Variants in TESK2 observed in about 807,000 individuals in gnomAD.
The protein encoded by TESK2 is testis associated actin remodelling kinase 2, also known as dual specificity testis-specific protein kinase 2.
TESK2 carries 39 observed loss-of-function variants against 57.1 expected under a neutral mutation model. The ratio of observed to expected loss-of-function variants is 0.68; its 90% CI spans 0.53 to 0.89. The LOEUF is 0.89. Ranked by LOEUF, TESK2 falls within the 40% of genes least tolerant of loss-of-function variation. The pLI is 0.00. For synonymous variants in TESK2, 249 were observed against 267.9 expected (o/e 0.93, Z 0.69); for missense variants, 646 against 732.1 (o/e 0.88, Z 1.36).
At chr1:45,417,529 G>A (rs895048441) in intron 3 of TESK2, among the ~76,000 whole-genome samples, 3 of 151,916 alleles carry the variant, frequency 2.0e-5, no homozygotes, top group Non-Finnish European at 4.4e-5. Context: ...GTCTATTTTT[G>A]CTTTTGTTGC....
intron 4 of TESK2, among the ~76,000 whole-genome samples, chr1:45,358,126 A>T (rs1160604493): frequency 1.3e-5 from 2 of 151,852 alleles, no homozygotes; most frequent in African/African-American, 2.4e-5. Flanking sequence ...GTCCTAGCTA[A>T]CATGCTGAAT....
At chr1:45,431,248 C>T (rs12116441) in intron 2 of TESK2, among the ~76,000 whole-genome samples, 10,452 of 152,128 alleles carry the variant, frequency 0.069, 433 homozygotes, top group Non-Finnish European at 0.099. Context: ...GAAACTCTGT[C>T]TCTACTAAAA....
intron 3 of TESK2, among the ~76,000 whole-genome samples, chr1:45,390,309 TAC>T (rs1342499202): frequency 5.9e-5 from 9 of 151,672 alleles, no homozygotes; most frequent in Non-Finnish European, 1.0e-4. Flanking sequence ...TACAAAAAAA[TAC>T]AAAAATTAGC....
chr1:45,475,276 G>A (rs2149305771), intron 1 of TESK2, among the ~76,000 whole-genome samples: 1 of 141,522 alleles, frequency 7.1e-6, no homozygotes, highest in East Asian at 2.2e-4. Context: ...ACGCGATCTT[G>A]GTTCACTGCA....
intron 1 of TESK2, among the ~76,000 whole-genome samples, chr1:45,484,166 C>T (rs1011891566): frequency 7.3e-6 from 1 of 137,188 alleles, no homozygotes; most frequent in Non-Finnish European, 1.5e-5. Context: ...TGGAGTACAG[C>T]GGCGCGATCT....
rs74227006 is a variant in TESK2 at position 45,354,179 on chromosome 1, G to A, written c.540+1124C>T. On this transcript the variant is annotated intron_variant, in intron 5 of 10. Transcript: ENST00000372086. Reference sequence around the variant, plus strand: ...TGTAACACATATTCAGGAGATTGAAGTTAAACATGAAGGCTCTCAAGATGT... The same window carrying A: ...TGTAACACATATTCAGGAGATTGAAATTAAACATGAAGGCTCTCAAGATGT... Among the ~76,000 whole-genome samples the A allele has an allele frequency of 5.7e-4, 87 of 152,342 alleles. No homozygotes were observed. The East Asian group carries it at 0.014, about 24-fold the overall frequency.
rs974526986 is a variant in TESK2, at chr1:45,344,585, G to C, written c.*255C>G. The C allele has an allele frequency of 4.0e-6, 2 of 495,184 alleles. No homozygotes were observed. The highest frequency in any genetic ancestry group is 7.3e-6 in the Non-Finnish European group (2 of 274,310). 30.7% of individuals were successfully genotyped at this position (495,184 alleles called of 1,614,324 possible). On this transcript the variant is annotated 3_prime_UTR_variant, in exon 11 of 11. Transcript: ENST00000372086. ...CTATCTGGGGAAGTACACTGGAGAG[G>C]GTCTGGTGGGAGGCAGACCTCCTTG...
At chr1:45,347,830 AGTCCTGGCCTCTG>A in intron 6 of TESK2, 75 bp downstream of exon 6, 1 of 1,436,768 alleles carries the variant, frequency 7.0e-7, no homozygotes, top group East Asian at 2.3e-5. Context: ...GCTGTGACCA[AGTCCTGGCCTCTG>A]GGGAGGAGGC....
At chr1:45,451,861 C>T (rs1015173063) in intron 2 of TESK2, among the ~76,000 whole-genome samples, 1 of 151,800 alleles carries the variant, frequency 6.6e-6, no homozygotes, top group Non-Finnish European at 1.5e-5. Flanking sequence ...TGGTGAAACC[C>T]TGTCTCTACA....
intron 1 of TESK2, among the ~76,000 whole-genome samples, chr1:45,465,934 G>A (rs1031957818): frequency 6.6e-6 from 1 of 151,958 alleles, no homozygotes; most frequent in African/African-American, 2.4e-5. Flanking sequence ...TGTAGTTAGC[G>A]ATATTATTAA....
At position 45,344,893 on chromosome 1, in the gene TESK2, T is replaced by G; in HGVS notation, c.1663A>C (p.Thr555Pro). Residue 555 changes from threonine (T) to proline (P), a missense_variant, in exon 11 of 11, where the codon ACC becomes CCC. Thr to Pro is a conservative substitution (Grantham distance 38, BLOSUM62 -1). Transcript: ENST00000372086. The stretch of plus-strand genomic sequence containing the variant: ...AGGCCTATGCCTGAGGTGGAGAAGG[T>G]GGCTGGAGTTGAGCCTGCTGGCCTT... Reference protein sequence around the residue: ...EERPAGSTPATFSTSGIGLQT... With the variant: ...EERPAGSTPAPFSTSGIGLQT... 2 of 1,613,784 alleles carry G rather than the reference T, an allele frequency of 1.2e-6. No individual in the cohort carries two copies. Among genetic ancestry groups the G allele is most frequent in the Non-Finnish European group, 1.7e-6 (2 of 1,180,022 alleles).
intron 1 of TESK2, among the ~76,000 whole-genome samples, chr1:45,465,135 C>T (rs1652492797): frequency 6.6e-6 from 1 of 151,986 alleles, no homozygotes; most frequent in African/African-American, 2.4e-5. Flanking sequence ...ACTCAGGAGG[C>T]TGAGGCATGA....
intron 4 of TESK2, among the ~76,000 whole-genome samples, chr1:45,359,898 G>A (rs928635416): frequency 1.3e-5 from 2 of 151,872 alleles, no homozygotes; most frequent in Admixed American, 6.6e-5. Context: ...ATGTGAAAGC[G>A]CTTCGAAAAA....
chr1:45,472,121 C>T (rs6669989), intron 1 of TESK2, among the ~76,000 whole-genome samples: 5 of 150,756 alleles, frequency 3.3e-5, no homozygotes, highest in East Asian at 3.9e-4. Context: ...GTATGGTGGC[C>T]GGCACCTGTA....
intron 5 of TESK2, among the ~76,000 whole-genome samples, chr1:45,350,481 T>C (rs895981764): frequency 3.3e-5 from 5 of 152,204 alleles, no homozygotes; most frequent in African/African-American, 1.2e-4. Context: ...CGCAACAAAC[T>C]GACTCCCTAA....
intron 4 of TESK2, among the ~76,000 whole-genome samples, chr1:45,385,043 T>C (rs905875108): frequency 4.6e-5 from 7 of 152,172 alleles, no homozygotes; most frequent in African/African-American, 1.7e-4. Context: ...CCAACACTCT[T>C]GCAAATTCTG....
At chr1:45,444,322 A>G (rs1006216) in intron 2 of TESK2, among the ~76,000 whole-genome samples, 37,586 of 152,084 alleles carry the variant, frequency 0.25, 4,793 homozygotes, top group East Asian at 0.36. Flanking sequence ...ACTATATTAT[A>G]TGCAACCAAA....
intron 2 of TESK2, among the ~76,000 whole-genome samples, chr1:45,447,116 C>G (rs988755126): frequency 8.5e-5 from 13 of 152,122 alleles, no homozygotes; most frequent in African/African-American, 2.4e-4. Context: ...ACTCAGGAGG[C>G]TGAAGCAAGA....
chr1:45,360,163 C>G (rs1212451107), intron 4 of TESK2, among the ~76,000 whole-genome samples: 1 of 152,152 alleles, frequency 6.6e-6, no homozygotes, highest in Non-Finnish European at 1.5e-5. Flanking sequence ...GCGCCTTGCT[C>G]TCTTCATTCT....
Sources: gnomAD v4.1 joint callset for allele counts (sites outside exome capture counted in the v4.1 genomes callset) on GRCh38, gnomAD v4.1.1 for gene constraint, MANE v1.5 for transcripts, NCBI Gene and HGNC (gene_info 2026-07-23, HGNC 2026-07-21) for gene names.